The following SEMA6D variants were observed in gnomAD, a reference collection of about 807,000 sequenced individuals.
SEMA6D encodes the protein semaphorin 6D.
In SEMA6D, 35 loss-of-function variants were observed where a neutral mutation model predicts 106.6. That is an observed-to-expected ratio of 0.33 (90% CI 0.25 to 0.44). SEMA6D has a LOEUF of 0.44. Ranked by LOEUF, SEMA6D falls within the 20% of genes least tolerant of loss-of-function variation. The pLI, the probability that SEMA6D is intolerant of heterozygous loss-of-function variation, is 1.00. For missense variants in SEMA6D, 1,185 were observed against 1,345.9 expected (o/e 0.88, Z 1.87); for synonymous variants, 499 against 487.7 (o/e 1.02, Z -0.31).
intron 1 of SEMA6D, among the ~76,000 whole-genome samples, chr15:47,364,984 C>A (rs2038958845): frequency 6.6e-6 from 1 of 152,178 alleles, no homozygotes; most frequent in Non-Finnish European, 1.5e-5. Context: ...ATCTCCACAG[C>A]ATCCATCAAG....
chr15:47,515,454 C>G (rs775934388), intron 3 of SEMA6D, among the ~76,000 whole-genome samples: 1 of 152,178 alleles, frequency 6.6e-6, no homozygotes, highest in Non-Finnish European at 1.5e-5. Context: ...CCTAAAATCA[C>G]CTTTGACACA....
At chr15:47,717,242 G>A (rs2079142970), upstream of SEMA6D, 2 of 152,308 alleles carry the variant, frequency 1.3e-5, no homozygotes, top group South Asian at 4.1e-4. Context: ...CGCCGGAGAG[G>A]AGGGACGCGG....
chr15:47,533,086 C>A (rs988831706), intron 3 of SEMA6D, among the ~76,000 whole-genome samples: 2 of 152,170 alleles, frequency 1.3e-5, no homozygotes, highest in Non-Finnish European at 2.9e-5. Flanking sequence ...AGTGCCACCA[C>A]TGATAATCCG....
chr15:47,234,877 C>G (rs1350486595), intron 1 of SEMA6D, among the ~76,000 whole-genome samples: 1 of 152,100 alleles, frequency 6.6e-6, no homozygotes, highest in Non-Finnish European at 1.5e-5. Flanking sequence ...AGTGGGATTG[C>G]TGAATTGAAT....
chr15:47,737,733 C>T (rs1042170376), intron 1 of SEMA6D, among the ~76,000 whole-genome samples: 3 of 152,048 alleles, frequency 2.0e-5, no homozygotes, highest in African/African-American at 4.8e-5. Context: ...AAATAAGTTT[C>T]GTTTTTTTCC....
At chr15:47,587,209 G>A (rs11636476) in intron 3 of SEMA6D, among the ~76,000 whole-genome samples, 61,358 of 151,740 alleles carry the variant, frequency 0.4, 13,439 homozygotes, top group South Asian at 0.53. Context: ...GGCCCTGCAA[G>A]GCCCCCTCTG....
In SEMA6D at chr15:47,529,603, T is replaced by TG. The variant is rs542208296; in HGVS notation, c.-87+59058_-87+59059insG. On this transcript the variant is annotated intron_variant, in intron 3 of 19. Coordinates refer to the SEMA6D transcript ENST00000558014. ...TTTTAGCTCTAAGTATCTGTAGCAC[T>TG]AAAAAAAAAAAAAAAAACAAGTCAT... 2.9e-3 allele frequency among the ~76,000 whole-genome samples: 387 copies of TG among 135,740 alleles called. 2 individuals are homozygous for TG. The highest frequency in any genetic ancestry group is 5.0e-3 in the Admixed American group (67 of 13,506). 89.1% of individuals were successfully genotyped at this position (135,740 alleles called of 152,430 possible).
At chr15:47,715,276 G>A (rs146482077), upstream of SEMA6D, among the ~76,000 whole-genome samples, 994 of 152,236 alleles carry the variant, frequency 6.5e-3, 8 homozygotes, top group Non-Finnish European at 8.4e-3. Flanking sequence ...TGGAGAAGTA[G>A]CAAAGTTAAA....
At chr15:47,655,856 G>T (rs77810424) in intron 4 of SEMA6D, among the ~76,000 whole-genome samples, 2,260 of 152,350 alleles carry the variant, frequency 0.015, 52 homozygotes, top group African/African-American at 0.052. Context: ...ATCAATGTTT[G>T]TAGCACTTGT....
intron 2 of SEMA6D, among the ~76,000 whole-genome samples, chr15:47,417,172 A>G (rs2040995987): frequency 6.6e-6 from 1 of 152,078 alleles, no homozygotes; most frequent in Non-Finnish European, 1.5e-5. Context: ...ATATCTAAAG[A>G]TACATTATAC....
At chr15:47,337,098 G>A (rs978495453) in intron 1 of SEMA6D, among the ~76,000 whole-genome samples, 5 of 152,118 alleles carry the variant, frequency 3.3e-5, no homozygotes, top group African/African-American at 1.2e-4. Flanking sequence ...GGTGCATCAA[G>A]GTAGAGCAAG....
chr15:47,210,764 CAAAAAAAA>C (rs34743184), intron 1 of SEMA6D, among the ~76,000 whole-genome samples: 1 of 62,758 alleles, frequency 1.6e-5, no homozygotes, highest in South Asian at 7.1e-4. Flanking sequence ...GACTCCGTCT[CAAAAAAAA>C]AAAAAAAAAA....
At chr15:47,532,087 C>T (rs192303304) in intron 3 of SEMA6D, among the ~76,000 whole-genome samples, 3 of 152,200 alleles carry the variant, frequency 2.0e-5, no homozygotes, top group Admixed American at 6.5e-5. Context: ...TTGACCATGG[C>T]GAGATCCTGG....
chr15:47,544,981 T>G (rs2045473338), intron 3 of SEMA6D, among the ~76,000 whole-genome samples: 1 of 152,096 alleles, frequency 6.6e-6, no homozygotes, highest in African/African-American at 2.4e-5. Context: ...AAGGGCAAGT[T>G]GTCATTAAAA....
intron 3 of SEMA6D, among the ~76,000 whole-genome samples, chr15:47,567,485 CT>C (rs1281759066): frequency 6.6e-6 from 1 of 152,170 alleles, no homozygotes; most frequent in Non-Finnish European, 1.5e-5. Flanking sequence ...TCCTCATTAT[CT>C]TTGCTCTCAT....
chr15:47,733,849 T>C (rs887843027), intron 1 of SEMA6D, among the ~76,000 whole-genome samples: 5 of 152,214 alleles, frequency 3.3e-5, no homozygotes, highest in African/African-American at 4.8e-5. Flanking sequence ...AATATTCATA[T>C]AGGAAAGGCT....
intron 1 of SEMA6D, among the ~76,000 whole-genome samples, chr15:47,335,810 G>T (rs141453030): frequency 6.6e-6 from 1 of 152,116 alleles, no homozygotes; most frequent in African/African-American, 2.4e-5. Context: ...TAACTGGTTA[G>T]TAAGAAATGG....
At chr15:47,623,619 A>C (rs937235358) in intron 4 of SEMA6D, among the ~76,000 whole-genome samples, 1 of 152,330 alleles carries the variant, frequency 6.6e-6, no homozygotes, top group African/African-American at 2.4e-5. Context: ...AAGTCAGATC[A>C]GTTTCATTTT....
chr15:47,376,019 A>G (rs899830203), intron 1 of SEMA6D, among the ~76,000 whole-genome samples: 1 of 152,240 alleles, frequency 6.6e-6, no homozygotes, highest in African/African-American at 2.4e-5. Flanking sequence ...GGAGTATCCT[A>G]TGTAAAGAAG....
Sources: gnomAD v4.1 joint callset for allele counts (sites outside exome capture counted in the v4.1 genomes callset) on GRCh38, gnomAD v4.1.1 for gene constraint, MANE v1.5 for transcripts, NCBI Gene and HGNC (gene_info 2026-07-23, HGNC 2026-07-21) for gene names.